Variants in KCNIP1 observed in about 807,000 individuals in gnomAD.
KCNIP1 encodes the protein A-type potassium channel modulatory protein KCNIP1.
Under a neutral mutation model 33.0 loss-of-function variants are expected in KCNIP1, and 18 were observed. That is an observed-to-expected ratio of 0.55 (90% CI 0.38 to 0.81). KCNIP1 has a LOEUF of 0.81. KCNIP1 is among the 30% of genes least tolerant of loss of function. The probability of loss-of-function intolerance (pLI) is 0.00; values close to 1 mark genes in which losing one functional copy is unlikely to be tolerated. For synonymous variants in KCNIP1, 93 were observed against 98.3 expected (o/e 0.95, Z 0.32); for missense variants, 238 against 271.6 (o/e 0.88, Z 0.87).
chr5:170,458,773 T>C (rs1466672285), intron 1 of KCNIP1, among the ~76,000 whole-genome samples: 3 of 151,996 alleles, frequency 2.0e-5, no homozygotes, highest in African/African-American at 7.2e-5. Context: ...ACAGAAACTA[T>C]AAAACAAAAA....
chr5:170,716,229 A>C (rs1207861716), intron 1 of KCNIP1, among the ~76,000 whole-genome samples: 2 of 152,248 alleles, frequency 1.3e-5, no homozygotes, highest in Non-Finnish European at 2.9e-5. Flanking sequence ...ACGAGTCTAC[A>C]AAGGAATACA....
intron 1 of KCNIP1, among the ~76,000 whole-genome samples, chr5:170,624,144 G>A (rs1007491312): frequency 6.6e-6 from 1 of 152,194 alleles, no homozygotes; most frequent in Non-Finnish European, 1.5e-5. Flanking sequence ...TAAAAGATTC[G>A]AACAGCATAA....
chr5:170,497,923 A>G (rs1313546675), intron 1 of KCNIP1, among the ~76,000 whole-genome samples: 2 of 152,222 alleles, frequency 1.3e-5, no homozygotes, highest in Non-Finnish European at 2.9e-5. Context: ...GGGAATCCTC[A>G]GGCAGCGCAG....
At chr5:170,561,671 C>A (rs1170750771) in intron 1 of KCNIP1, among the ~76,000 whole-genome samples, 1 of 152,246 alleles carries the variant, frequency 6.6e-6, no homozygotes, top group African/African-American at 2.4e-5. Context: ...CTTCATCACA[C>A]AGGACGCCTA....
intron 1 of KCNIP1, among the ~76,000 whole-genome samples, chr5:170,666,825 C>T (rs1189829422): frequency 1.3e-5 from 2 of 152,214 alleles, no homozygotes; most frequent in Non-Finnish European, 2.9e-5. Flanking sequence ...CCACTTCTCC[C>T]TCCAGCAGAC....
At chr5:170,537,719 T>C (rs1756048748) in intron 1 of KCNIP1, among the ~76,000 whole-genome samples, 2 of 152,212 alleles carry the variant, frequency 1.3e-5, no homozygotes, top group Admixed American at 1.3e-4. Flanking sequence ...CTCTCTTCCA[T>C]AGCTTTCTTT....
rs962941858 is a variant in KCNIP1 at position 170,664,430 on chromosome 5, G to A, written c.62-54328G>A. 1.2e-4 allele frequency among the ~76,000 whole-genome samples: 19 copies of A among 152,062 alleles called. 1 individual carries two copies. The highest frequency in any genetic ancestry group is 1.1e-3 in the Admixed American group (17 of 15,272). ...CTGTGCAAGTGCTCATCTCCCCACTGCACTATAAGATCTAGGAGGGTAGAG... is the reference window on the plus strand; with the variant it reads ...CTGTGCAAGTGCTCATCTCCCCACTACACTATAAGATCTAGGAGGGTAGAG... On this transcript the variant is annotated intron_variant, in intron 1 of 7. Transcript: ENST00000328939.
At chr5:170,409,641 T>C (rs562771214) in intron 1 of KCNIP1, among the ~76,000 whole-genome samples, 1 of 152,058 alleles carries the variant, frequency 6.6e-6, no homozygotes, top group Non-Finnish European at 1.5e-5. Context: ...CAGGCCAAGA[T>C]GACAAGGGGG....
At chr5:170,688,640 C>A (rs1762621332) in intron 1 of KCNIP1, among the ~76,000 whole-genome samples, 1 of 152,166 alleles carries the variant, frequency 6.6e-6, no homozygotes, top group Admixed American at 6.5e-5. Flanking sequence ...AGCCATGTCA[C>A]CCCTCCAGAT....
At chr5:170,466,396 T>C (rs1756609327) in intron 1 of KCNIP1, among the ~76,000 whole-genome samples, 1 of 152,166 alleles carries the variant, frequency 6.6e-6, no homozygotes, top group African/African-American at 2.4e-5. Context: ...GGGGTGAAGA[T>C]CTAACCCTAG....
rs552504474 is a variant in KCNIP1 at position 170,727,103 on chromosome 5, A to G, written c.435+4283A>G. Among the ~76,000 whole-genome samples the G allele has an allele frequency of 5.9e-5, 9 of 152,238 alleles. No individual in the cohort carries two copies. In the South Asian group the frequency reaches 1.0e-3, roughly 17 times the overall value. The stretch of plus-strand genomic sequence containing the variant: ...AAATACATCATAGTCTGTTCATCCA[A>G]TGGAATATTACTCAGCAGTAAAAAG... On this transcript the variant is annotated intron_variant, in intron 5 of 7. Coordinates refer to ENST00000328939, the MANE Select transcript of KCNIP1 (RefSeq NM_014592.4).
chr5:170,367,422 GAAAGAAAGA>G (rs1561586989), intron 1 of KCNIP1, among the ~76,000 whole-genome samples: 18 of 49,192 alleles, frequency 3.7e-4, no homozygotes, highest in African/African-American at 1.7e-3. Flanking sequence ...AGAAAGAAAG[GAAAGAAAGA>G]AAGAAAGGAA....
chr5:170,428,251 G>A (rs1272841742), intron 1 of KCNIP1, among the ~76,000 whole-genome samples: 2 of 152,174 alleles, frequency 1.3e-5, no homozygotes, highest in Non-Finnish European at 2.9e-5. Flanking sequence ...TGGGGATGTC[G>A]TGGCAGCCAC....
intron 1 of KCNIP1, among the ~76,000 whole-genome samples, chr5:170,584,714 CT>C (rs1311434535): frequency 6.6e-6 from 1 of 152,152 alleles, no homozygotes; most frequent in East Asian, 1.9e-4. Context: ...AGAGGGGACT[CT>C]TTTCCCCAGT....
intron 1 of KCNIP1, among the ~76,000 whole-genome samples, chr5:170,407,073 G>T (rs2113396852): frequency 6.6e-6 from 1 of 152,356 alleles, no homozygotes; most frequent in Non-Finnish European, 1.5e-5. Flanking sequence ...GAGCCTTGGG[G>T]GTGATTTTGA....
chr5:170,469,653 G>T (rs1254760736), intron 1 of KCNIP1, among the ~76,000 whole-genome samples: 1 of 152,098 alleles, frequency 6.6e-6, no homozygotes, highest in Non-Finnish European at 1.5e-5. Flanking sequence ...ACCCGCTAGA[G>T]GCTTCTCAGT....
intron 1 of KCNIP1, among the ~76,000 whole-genome samples, chr5:170,509,726 A>G (rs889258552): frequency 1.2e-4 from 18 of 152,236 alleles, no homozygotes; most frequent in African/African-American, 1.4e-4. Flanking sequence ...TTAACAGCCT[A>G]TCTTTTCACA....
chr5:170,572,803 T>C (rs953848745), intron 1 of KCNIP1, among the ~76,000 whole-genome samples: 3 of 152,208 alleles, frequency 2.0e-5, no homozygotes, highest in African/African-American at 7.2e-5. Context: ...CTGCTCTCTT[T>C]ACAGATGGGA....
chr5:170,388,609 T>G (rs953058854), intron 1 of KCNIP1, among the ~76,000 whole-genome samples: 3 of 152,238 alleles, frequency 2.0e-5, no homozygotes, highest in Non-Finnish European at 4.4e-5. Context: ...CTGGGTGACC[T>G]GATAGCTGGG....
Sources: allele counts gnomAD v4.1 joint callset (sites outside exome capture counted in the v4.1 genomes callset), GRCh38; gene constraint gnomAD v4.1.1; transcripts MANE v1.5; gene names NCBI Gene and HGNC (gene_info 2026-07-23, HGNC 2026-07-21).